The following ZGRF1 variants were observed in gnomAD, a reference collection of about 807,000 sequenced individuals.
ZGRF1 encodes zinc finger GRF-type containing 1, also known as 5'-3' DNA helicase ZGRF1.
In ZGRF1, 196 loss-of-function variants were observed where a neutral mutation model predicts 203.5. The ratio of observed to expected loss-of-function variants is 0.96; its 90% CI spans 0.86 to 1.08. The LOEUF is 1.08. Ranked by LOEUF, ZGRF1 falls within the 50% of genes least tolerant of loss-of-function variation. The pLI is 0.00. For synonymous variants in ZGRF1, 809 were observed against 841.3 expected (o/e 0.96, Z 0.66); for missense variants, 2,326 against 2,416.3 (o/e 0.96, Z 0.78).
At chr4:112,607,664 C>T (rs976444343) in intron 8 of ZGRF1, among the ~76,000 whole-genome samples, 1 of 152,224 alleles carries the variant, frequency 6.6e-6, no homozygotes, top group Non-Finnish European at 1.5e-5. Context: ...AGGCCAGGCA[C>T]ATGCCTATCT....
chr4:112,593,562 TG>T (rs1278355731), intron 10 of ZGRF1, among the ~76,000 whole-genome samples: 8 of 152,238 alleles, frequency 5.3e-5, no homozygotes, highest in African/African-American at 1.9e-4. Flanking sequence ...TCTATGTCTA[TG>T]TCTGGCCCAG....
At chr4:112,612,939 C>T (rs941506387) in intron 6 of ZGRF1, among the ~76,000 whole-genome samples, 5 of 108,572 alleles carry the variant, frequency 4.6e-5, no homozygotes, top group East Asian at 4.1e-4. Context: ...AATGAAGTAC[C>T]GGACAACTGT....
In ZGRF1 at chr4:112,541,139, C is replaced by T. The variant is rs1435589669; in HGVS notation, c.5728G>A (p.Glu1910Lys). Residue 1910 changes from glutamate to lysine, a missense_variant, in exon 25 of 28, where the codon GAA becomes AAA. Coordinates refer to ENST00000505019, the MANE Select transcript of ZGRF1 (RefSeq NM_018392.5). The part of the protein sequence containing the change: ...VTEIERSPLL[E>K]WLPTLCFYNV... The stretch of plus-strand genomic sequence containing the variant: ...TAAAAACACAGGGTTGGTAGCCATT[C>T]CAATAAAGGGCTCCGCTCTATTTCT... 6 of 1,608,002 alleles carry T rather than the reference C, an allele frequency of 3.7e-6. No individual in the cohort carries two copies. In the African/African-American group the frequency reaches 8.0e-5, roughly 21 times the overall value.
intron 10 of ZGRF1, among the ~76,000 whole-genome samples, chr4:112,596,759 A>C (rs1403221293): frequency 6.6e-6 from 1 of 151,980 alleles, no homozygotes; most frequent in East Asian, 1.9e-4. Flanking sequence ...ACGCCTGGCT[A>C]ATTTTTAATT....
At chr4:112,541,584 A>G (rs1325197716) in intron 24 of ZGRF1, among the ~76,000 whole-genome samples, 1 of 151,272 alleles carries the variant, frequency 6.6e-6, no homozygotes, top group East Asian at 1.9e-4. Context: ...GCTGGATTGC[A>G]ATGGCATGAT....
At chr4:112,572,663 G>A (rs1004153316) in intron 16 of ZGRF1, among the ~76,000 whole-genome samples, 5 of 152,024 alleles carry the variant, frequency 3.3e-5, no homozygotes, top group Non-Finnish European at 7.4e-5. Flanking sequence ...TCTGACAAAC[G>A]ATTAACACTC....
At chr4:112,597,535 ATAATAG>A (rs1291967516) in intron 10 of ZGRF1, among the ~76,000 whole-genome samples, 3 of 151,994 alleles carry the variant, frequency 2.0e-5, no homozygotes, top group African/African-American at 4.8e-5. Context: ...AATAATAATA[ATAATAG>A]TAATAGTAAT....
intron 10 of ZGRF1, among the ~76,000 whole-genome samples, chr4:112,592,641 T>C (rs1265854447): frequency 6.6e-6 from 1 of 152,216 alleles, no homozygotes. Flanking sequence ...GCTTTAAACT[T>C]TTCTTTGTGC....
intron 7 of ZGRF1, 83 bp downstream of exon 7, chr4:112,612,441 C>A: frequency 1.1e-6 from 1 of 880,356 alleles, no homozygotes; most frequent in Non-Finnish European, 1.8e-6. Context: ...TAGCTTGGGA[C>A]TGTATTACTA....
chr4:112,580,901 C>G (rs1049003275), intron 16 of ZGRF1, among the ~76,000 whole-genome samples: 2 of 152,038 alleles, frequency 1.3e-5, no homozygotes, highest in Non-Finnish European at 2.9e-5. Flanking sequence ...CTAGAAATAC[C>G]ATTTGACCCA....
chr4:112,617,617 G>T lies in ZGRF1; in HGVS notation c.2425C>A (p.Gln809Lys). 1 of 1,613,364 alleles carries T rather than the reference G, an allele frequency of 6.2e-7. No individual in the cohort carries two copies. The highest frequency in any genetic ancestry group is 8.5e-7 in the Non-Finnish European group (1 of 1,179,810). Reference protein sequence around the residue: ...VEVETAREGKQYWNPRNSSEL... With the variant: ...VEVETAREGKKYWNPRNSSEL... ...GAAGAATTTCTAGGATTCCAGTATTGTTTGCCTTCTCTGGCAGTTTCAACC... is the reference window on the plus strand; with the variant it reads ...GAAGAATTTCTAGGATTCCAGTATTTTTTGCCTTCTCTGGCAGTTTCAACC... Residue 809 changes from glutamine (Q) to lysine (K), a missense_variant, in exon 6 of 28, where the codon CAA becomes AAA. Coordinates refer to ENST00000505019, the MANE Select transcript of ZGRF1 (RefSeq NM_018392.5).
intron 16 of ZGRF1, among the ~76,000 whole-genome samples, chr4:112,566,747 G>C (rs987714269): frequency 6.6e-6 from 1 of 152,124 alleles, no homozygotes; most frequent in East Asian, 1.9e-4. Context: ...TTTGTACTGG[G>C]GTTTGTGTCC....
chr4:112,586,388 A>G, intron 13 of ZGRF1, 57 bp downstream of exon 13: 1 of 1,359,994 alleles, frequency 7.4e-7, no homozygotes, highest in Non-Finnish European at 9.9e-7. Context: ...AATTCTCACA[A>G]TTTTACTACT....
chr4:112,558,185 A>T lies in ZGRF1; in HGVS notation c.5085T>A (p.Ser1695=). ...CTCTGTCAACAGCCACATTAGTAGA[A>T]GAAGAAATCAGAAGTTTCCACGGCC... ...NARPWKLLIS[S]STNVAVDRVL... is the part of the protein sequence containing the mutation. The change falls in exon 20 of 28, where the codon TCT becomes TCA. Residue 1695 remains serine, a synonymous_variant. Transcript: ENST00000505019. 6.2e-7 allele frequency: 1 copy of T among 1,609,304 alleles called. No homozygotes were observed. Among genetic ancestry groups the T allele is most frequent in the South Asian group, 1.1e-5 (1 of 89,996 alleles).
intron 10 of ZGRF1, 64 bp from the exon 11 acceptor site, chr4:112,589,938 T>A: frequency 8.6e-7 from 1 of 1,158,632 alleles, no homozygotes; most frequent in East Asian, 2.5e-5. Flanking sequence ...TTAGTTTGAA[T>A]GAATTCTAGT....
At chr4:112,573,839 T>C (rs1000180823) in intron 16 of ZGRF1, among the ~76,000 whole-genome samples, 4 of 152,104 alleles carry the variant, frequency 2.6e-5, no homozygotes, top group African/African-American at 7.2e-5. Context: ...AGAACTTCTA[T>C]AAATAAAAGA....
intron 16 of ZGRF1, among the ~76,000 whole-genome samples, chr4:112,564,599 A>G (rs1184542355): frequency 6.6e-6 from 1 of 152,248 alleles, no homozygotes; most frequent in Non-Finnish European, 1.5e-5. Flanking sequence ...AATGAAAGGT[A>G]TTAAAGTAAG....
Position 112,539,730 on chromosome 4 carries a change from TAC to T in ZGRF1, c.6173-43_6173-42del, listed in dbSNP as rs769266516. On this transcript the variant is annotated intron_variant, in intron 27 of 27. Transcript: ENST00000505019. ...GACATGAGACAACTATTCTTTATTT[TAC>T]AGAGGTCCCAATATTATCATGTCAG... The T allele has an allele frequency of 2.0e-5, 32 of 1,570,918 alleles. No homozygotes were observed. In the South Asian group the frequency reaches 2.2e-4, roughly 11 times the overall value.
intron 16 of ZGRF1, among the ~76,000 whole-genome samples, chr4:112,570,528 T>G (rs1052648252): frequency 4.6e-5 from 7 of 152,118 alleles, no homozygotes; most frequent in Non-Finnish European, 7.4e-5. Flanking sequence ...CAGGTTGCAG[T>G]GAGCTGAGAT....
Sources: allele counts gnomAD v4.1 joint callset (sites outside exome capture counted in the v4.1 genomes callset), GRCh38; gene constraint gnomAD v4.1.1; transcripts MANE v1.5; gene names NCBI Gene and HGNC (gene_info 2026-07-23, HGNC 2026-07-21).